The following SMARCC1 variants were observed in gnomAD, a reference collection of about 807,000 sequenced individuals.
SMARCC1 encodes the protein SWI/SNF complex subunit SMARCC1.
A neutral mutation model predicts 147.4 loss-of-function variants in SMARCC1; 43 were observed. The ratio of observed to expected loss-of-function variants is 0.29; its 90% confidence interval spans 0.23 to 0.38. The LOEUF (loss-of-function observed/expected upper bound fraction) is 0.38. Among genes scored for constraint, SMARCC1 ranks in the 10% least tolerant of loss-of-function variants. The pLI is 1.00. For synonymous variants in SMARCC1, 495 were observed against 484.4 expected (o/e 1.02, Z -0.29); for missense variants, 1,119 against 1,381.1 (o/e 0.81, Z 3.01).
At chr3:47,711,161 T>C (rs574305254) in intron 8 of SMARCC1, among the ~76,000 whole-genome samples, 1 of 152,180 alleles carries the variant, frequency 6.6e-6, no homozygotes, top group Non-Finnish European at 1.5e-5. Flanking sequence ...GAAGGATGTC[T>C]TTGGGTTTAT....
intron 11 of SMARCC1, among the ~76,000 whole-genome samples, chr3:47,698,432 T>G (rs898970162): frequency 6.6e-6 from 1 of 152,030 alleles, no homozygotes; most frequent in Non-Finnish European, 1.5e-5. Flanking sequence ...AAAATTACAG[T>G]GGAGGTATAA....
At chr3:47,780,864 T>C (rs1184258215) in intron 1 of SMARCC1, among the ~76,000 whole-genome samples, 1 of 151,880 alleles carries the variant, frequency 6.6e-6, no homozygotes, top group Non-Finnish European at 1.5e-5. Context: ...AACAAAGGAT[T>C]AAGTCAAAAC....
intron 26 of SMARCC1, among the ~76,000 whole-genome samples, chr3:47,596,855 C>G (rs2032291436): frequency 6.6e-6 from 1 of 151,734 alleles, no homozygotes; most frequent in South Asian, 2.1e-4. Context: ...ATGGAGATGG[C>G]ACTCTGCAAG....
At chr3:47,688,621 T>C (rs867285484) in intron 13 of SMARCC1, among the ~76,000 whole-genome samples, 1 of 152,202 alleles carries the variant, frequency 6.6e-6, no homozygotes, top group Non-Finnish European at 1.5e-5. Flanking sequence ...AGCATAATGA[T>C]TGAGGTATCG....
At chr3:47,685,886 A>C (rs1421928742) in intron 14 of SMARCC1, among the ~76,000 whole-genome samples, 163 bp downstream of exon 14, 2 of 152,034 alleles carry the variant, frequency 1.3e-5, no homozygotes, top group Non-Finnish European at 2.9e-5. Flanking sequence ...AACAAACAAA[A>C]AACACAAACA....
intron 14 of SMARCC1, among the ~76,000 whole-genome samples, chr3:47,683,424 A>G (rs1192976984): frequency 1.3e-5 from 2 of 152,220 alleles, no homozygotes; most frequent in African/African-American, 4.8e-5. Context: ...AATAAGGCAT[A>G]TCAAGTGGAT....
rs932736867 is a variant in SMARCC1 at position 47,731,930 on chromosome 3, A to G, written c.577-2836T>C. Among the ~76,000 whole-genome samples the G allele has an allele frequency of 5.9e-5, 9 of 152,220 alleles. No homozygotes were observed. In the East Asian group the frequency reaches 1.5e-3, roughly 26 times the overall value. On this transcript the variant is annotated intron_variant, in intron 5 of 27. Coordinates refer to ENST00000254480, the MANE Select transcript of SMARCC1 (RefSeq NM_003074.4). Reference sequence around the variant, plus strand: ...GCTTCAACTTACAGTCACCAACTGCATTAAGCCCCAAAATAGCCTGGCTGA... The same window carrying G: ...GCTTCAACTTACAGTCACCAACTGCGTTAAGCCCCAAAATAGCCTGGCTGA...
intron 9 of SMARCC1, 109 bp from the exon 10 acceptor site, chr3:47,706,639 G>A: frequency 2.0e-6 from 2 of 976,896 alleles, no homozygotes; most frequent in South Asian, 4.6e-5. Flanking sequence ...CATATCCTTA[G>A]TTCAGAGCAA....
intron 26 of SMARCC1, among the ~76,000 whole-genome samples, chr3:47,591,554 CT>C (rs372133819): frequency 1.1e-4 from 17 of 147,842 alleles, no homozygotes; most frequent in South Asian, 2.1e-4. Context: ...TTGTTTCTTT[CT>C]TTTTTTTTTG....
chr3:47,590,984 G>C (rs535178870), intron 26 of SMARCC1, 147 bp from the exon 27 acceptor site: 1 of 737,278 alleles, frequency 1.4e-6, no homozygotes, highest in East Asian at 3.1e-5. Flanking sequence ...TAATCTCTAT[G>C]TTTAGCTTTT....
intron 8 of SMARCC1, among the ~76,000 whole-genome samples, chr3:47,712,698 G>A (rs1353484918): frequency 6.6e-6 from 1 of 152,134 alleles, no homozygotes; most frequent in Non-Finnish European, 1.5e-5. Flanking sequence ...GGCAAAGCTT[G>A]GATTTGCACT....
intron 10 of SMARCC1, among the ~76,000 whole-genome samples, chr3:47,705,564 T>C (rs947605267): frequency 2.6e-5 from 4 of 152,122 alleles, no homozygotes; most frequent in South Asian, 2.1e-4. Flanking sequence ...CAGGAAATAA[T>C]ACGATTCAAG....
chr3:47,744,614 A>G (rs2034546859), intron 3 of SMARCC1, among the ~76,000 whole-genome samples: 1 of 152,260 alleles, frequency 6.6e-6, no homozygotes, highest in South Asian at 2.1e-4. Flanking sequence ...GAAAGATGCT[A>G]AGGTTATAAA....
chr3:47,771,670 G>C (rs2034915937), intron 2 of SMARCC1, among the ~76,000 whole-genome samples: 1 of 152,100 alleles, frequency 6.6e-6, no homozygotes, highest in African/African-American at 2.4e-5. Flanking sequence ...CTTGAACCCG[G>C]GAGGCAGAGG....
At chr3:47,658,211 G>A (rs1166812523) in intron 21 of SMARCC1, among the ~76,000 whole-genome samples, 3 of 152,092 alleles carry the variant, frequency 2.0e-5, no homozygotes, top group African/African-American at 7.2e-5. Context: ...AGTTATGAGA[G>A]AACACTGTGA....
At chr3:47,679,865 A>G (rs1323732013) in intron 15 of SMARCC1, among the ~76,000 whole-genome samples, 1 of 150,572 alleles carries the variant, frequency 6.6e-6, no homozygotes, top group Non-Finnish European at 1.5e-5. Flanking sequence ...CCATCTCAAA[A>G]AAAAAAAAAA....
chr3:47,620,804 A>T (rs924028273), intron 25 of SMARCC1, among the ~76,000 whole-genome samples: 1 of 152,212 alleles, frequency 6.6e-6, no homozygotes, highest in East Asian at 1.9e-4. Context: ...TTCCTAACTC[A>T]AGATGAGATT....
chr3:47,670,732 T>G lies in SMARCC1; in HGVS notation c.1840-15A>C. On this transcript the variant is annotated splice_polypyrimidine_tract_variant and intron_variant, in intron 18 of 27. Transcript: ENST00000254480. The stretch of plus-strand genomic sequence containing the variant: ...GCACCTTTACTCTAAGGAAACAAAA[T>G]CAGAAATTATTTGCTCATTTTTAAA... 2.0e-6 allele frequency: 3 copies of G among 1,523,442 alleles called. No homozygotes were observed. The highest frequency in any genetic ancestry group is 1.8e-6 in the Non-Finnish European group (2 of 1,096,310). 94.4% of individuals were successfully genotyped at this position (1,523,442 alleles called of 1,614,324 possible). A position where few individuals can be genotyped will look rare whatever the true frequency, so the allele number is the denominator to read the frequency against.
Position 47,624,915 on chromosome 3 carries a change from A to C in SMARCC1, c.2647-2574T>G, listed in dbSNP as rs886446293. Among the ~76,000 whole-genome samples, 3 of 138,536 alleles carry C rather than the reference A, an allele frequency of 2.2e-5. No homozygotes were observed. The Admixed American group carries it at 2.2e-4, about 10-fold the overall frequency. 90.9% of individuals were successfully genotyped at this position (138,536 alleles called of 152,430 possible). A position where few individuals can be genotyped will look rare whatever the true frequency, so the allele number is the denominator to read the frequency against. On this transcript the variant is annotated intron_variant, in intron 24 of 27. Transcript: ENST00000254480. The stretch of plus-strand genomic sequence containing the variant: ...AAATTAAAAAAAAAAAAAAAAAAAA[A>C]GCTGGATGTGGTGGCACATGCCTGT...
Sources: allele counts gnomAD v4.1 joint callset (sites outside exome capture counted in the v4.1 genomes callset), GRCh38; gene constraint gnomAD v4.1.1; transcripts MANE v1.5; gene names NCBI Gene and HGNC (gene_info 2026-07-23, HGNC 2026-07-21).